The following CALU variants were observed in gnomAD, a reference collection of about 807,000 sequenced individuals.
The protein encoded by CALU is IEF SSP 9302.
A neutral mutation model predicts 37.5 loss-of-function variants in CALU; 13 were observed. The ratio of observed to expected loss-of-function variants is 0.35; its 90% confidence interval spans 0.23 to 0.55. The LOEUF (loss-of-function observed/expected upper bound fraction) is 0.55. Among genes scored for constraint, CALU ranks in the 20% least tolerant of loss-of-function variants. The pLI, the probability that CALU is intolerant of heterozygous loss-of-function variation, is 0.89. For missense variants in CALU, 282 were observed against 391.7 expected, an observed-to-expected ratio of 0.72 and a Z score of 2.36; for synonymous variants, 114 against 133.8, an observed-to-expected ratio of 0.85 and a Z score of 1.02.
intron 1 of CALU, among the ~76,000 whole-genome samples, chr7:128,740,884 T>C (rs1206632870): frequency 2.0e-5 from 3 of 152,254 alleles, no homozygotes; most frequent in Non-Finnish European, 2.9e-5. Context: ...GATCTATATA[T>C]TGGTGTTATT....
intron 2 of CALU, among the ~76,000 whole-genome samples, chr7:128,750,469 TC>T (rs2128879012): frequency 6.6e-6 from 1 of 152,312 alleles, no homozygotes; most frequent in South Asian, 2.1e-4. Context: ...TTGAAAGTAT[TC>T]CTTTTTGTGA....
intron 5 of CALU, among the ~76,000 whole-genome samples, chr7:128,764,716 GTT>G (rs1045226865): frequency 6.6e-6 from 1 of 150,708 alleles, no homozygotes; most frequent in Non-Finnish European, 1.5e-5. Context: ...AAAAGGAAAT[GTT>G]TCTTTGGTAC....
At chr7:128,763,305 C>T (rs1056411084) in intron 5 of CALU, among the ~76,000 whole-genome samples, 2 of 151,864 alleles carry the variant, frequency 1.3e-5, no homozygotes, top group South Asian at 2.1e-4. Flanking sequence ...CTGAGGTGGG[C>T]GGATCACAAG....
chr7:128,766,204 C>T (rs1016585412), intron 5 of CALU, among the ~76,000 whole-genome samples: 4 of 151,868 alleles, frequency 2.6e-5, no homozygotes, highest in African/African-American at 7.3e-5. Flanking sequence ...TCAAGTGATC[C>T]ACCCGCCTCA....
At chr7:128,740,894 T>C (rs1419354073) in intron 1 of CALU, among the ~76,000 whole-genome samples, 5 of 152,210 alleles carry the variant, frequency 3.3e-5, no homozygotes, top group Non-Finnish European at 7.3e-5. Context: ...TTGGTGTTAT[T>C]TTTTAAAATT....
At position 128,769,974 on chromosome 7, in the gene CALU, CA is replaced by C. The variant is rs1208057137; in HGVS notation, c.*808del. The stretch of plus-strand genomic sequence containing the variant: ...AAAATACAAGTGTTTTCGGGGCATA[CA>C]TTTTTTTTCTGGGTGTGCATCTGTT... On this transcript the variant is annotated 3_prime_UTR_variant, in exon 7 of 7. Coordinates refer to ENST00000249364, the MANE Select transcript of CALU (RefSeq NM_001219.5). 2 of 152,320 alleles carry C rather than the reference CA, an allele frequency of 1.3e-5. No homozygotes were observed. The highest frequency in any genetic ancestry group is 2.9e-5 in the Non-Finnish European group (2 of 68,004). 9.4% of individuals were successfully genotyped at this position (152,320 alleles called of 1,614,324 possible).
At position 128,757,282 on chromosome 7, in the gene CALU, G is replaced by A. The variant is rs1351200627; in HGVS notation, c.416-1589G>A. On this transcript the variant is annotated intron_variant, in intron 3 of 6. Coordinates refer to ENST00000249364, the MANE Select transcript of CALU (RefSeq NM_001219.5). ...TTATGTTACATAGTCCTGAAACCTT[G>A]TTTAGAAGAGACACTTTAGTATCTG... Among the ~76,000 whole-genome samples the A allele has an allele frequency of 2.0e-5, 3 of 151,988 alleles. No homozygotes were observed. In the East Asian group the frequency reaches 5.8e-4, roughly 29 times the overall value.
At chr7:128,755,559 C>G (rs890174345) in intron 3 of CALU, among the ~76,000 whole-genome samples, 2 of 152,122 alleles carry the variant, frequency 1.3e-5, no homozygotes, top group Non-Finnish European at 2.9e-5. Flanking sequence ...TTTTCTCTGG[C>G]ACATGAGTTT....
chr7:128,769,077 C>T lies in CALU; in HGVS notation c.858C>T (p.Thr286=). ...ESDQNKDGKL[T]KEEIVDKYDL... ...TCTACTTTCAGGATGGCAAGCTTAC[C>T]AAGGAGGAGATCGTTGACAAGTATG... Residue 286 remains threonine (T), a synonymous_variant, in exon 7 of 7, where the codon ACC becomes ACT. Coordinates refer to ENST00000249364, the MANE Select transcript of CALU (RefSeq NM_001219.5). 1 of 1,609,246 alleles carries T rather than the reference C, an allele frequency of 6.2e-7. No individual in the cohort carries two copies. Among genetic ancestry groups the T allele is most frequent in the Non-Finnish European group, 8.5e-7 (1 of 1,175,896 alleles).
chr7:128,759,523 G>A (rs1395965358), intron 4 of CALU, among the ~76,000 whole-genome samples: 1 of 152,132 alleles, frequency 6.6e-6, no homozygotes. Context: ...GGGCTTGATG[G>A]GATAGTTTGT....
chr7:128,767,424 C>T (rs1205064745), intron 5 of CALU, 32 bp from the exon 6 acceptor site: 8 of 1,544,192 alleles, frequency 5.2e-6, no homozygotes, highest in Non-Finnish European at 7.2e-6. Flanking sequence ...AAAAGACAAA[C>T]CCTTCTTTTG....
intron 2 of CALU, among the ~76,000 whole-genome samples, chr7:128,753,513 T>A (rs950297558): frequency 3.9e-5 from 6 of 152,258 alleles, no homozygotes; most frequent in Non-Finnish European, 8.8e-5. Context: ...TGCTTTATAA[T>A]CTACATACTA....
intron 3 of CALU, among the ~76,000 whole-genome samples, chr7:128,757,100 G>A (rs369471797): frequency 6.6e-6 from 1 of 151,454 alleles, no homozygotes; most frequent in Non-Finnish European, 1.5e-5. Flanking sequence ...AAAAAAAATT[G>A]TATCTTCCTG....
intron 2 of CALU, among the ~76,000 whole-genome samples, chr7:128,752,245 A>G (rs1005235108): frequency 2.6e-5 from 4 of 152,190 alleles, no homozygotes; most frequent in African/African-American, 9.7e-5. Context: ...CTTGTAAACT[A>G]TATTTCTGTT....
intron 1 of CALU, among the ~76,000 whole-genome samples, chr7:128,743,237 T>C (rs1408795602): frequency 6.6e-6 from 1 of 152,130 alleles, no homozygotes; most frequent in Non-Finnish European, 1.5e-5. Context: ...AGAAACTCAT[T>C]TGAGAAATGG....
chr7:128,742,137 A>G (rs1251458266), intron 1 of CALU, among the ~76,000 whole-genome samples: 1 of 152,232 alleles, frequency 6.6e-6, no homozygotes, highest in Non-Finnish European at 1.5e-5. Context: ...CAAATCATGA[A>G]GGATGCCATC....
chr7:128,751,982 A>G (rs1194694350), intron 2 of CALU, among the ~76,000 whole-genome samples: 1 of 152,208 alleles, frequency 6.6e-6, no homozygotes, highest in Admixed American at 6.5e-5. Flanking sequence ...GGACTATGAC[A>G]CCATTAGCTT....
chr7:128,762,660 ATTTG>A (rs1801167879), intron 5 of CALU, among the ~76,000 whole-genome samples: 1 of 151,416 alleles, frequency 6.6e-6, no homozygotes, highest in African/African-American at 2.4e-5. Flanking sequence ...TACACAACTT[ATTTG>A]TTTATTTATT....
intron 3 of CALU, among the ~76,000 whole-genome samples, chr7:128,757,083 T>TAA (rs200603035): frequency 1.4e-5 from 2 of 142,746 alleles, no homozygotes; most frequent in African/African-American, 2.6e-5. Context: ...GACTATAAAT[T>TAA]AAAAAAAAAA....
Sources: allele counts gnomAD v4.1 joint callset (sites outside exome capture counted in the v4.1 genomes callset), GRCh38; gene constraint gnomAD v4.1.1; transcripts MANE v1.5; gene names NCBI Gene and HGNC (gene_info 2026-07-23, HGNC 2026-07-21).